The following HOPX variants were observed in gnomAD, a reference collection of about 807,000 sequenced individuals.
HOPX encodes the protein HOP homeobox.
In HOPX, 5 loss-of-function variants were observed where a neutral mutation model predicts 11.8. The ratio of observed to expected loss-of-function variants is 0.43; its 90% CI spans 0.22 to 0.89. The LOEUF is 0.89. HOPX is among the 40% of genes least tolerant of loss of function. The pLI, the probability that HOPX is intolerant of heterozygous loss-of-function variation, is 0.28. For synonymous variants in HOPX, 49 were observed against 49.7 expected, an observed-to-expected ratio of 0.99 and a Z score of 0.06; for missense variants, 119 against 120.0, an observed-to-expected ratio of 0.99 and a Z score of 0.04.
At chr4:56,662,586 T>A (rs1718209046) in intron 1 of HOPX, 1 of 152,050 alleles carries the variant, frequency 6.6e-6, no homozygotes, top group African/African-American at 2.4e-5. Flanking sequence ...TTCAAGCGAT[T>A]CTCCTACTTC....
At chr4:56,663,058 G>A (rs1217161671) in intron 1 of HOPX, 1 of 152,114 alleles carries the variant, frequency 6.6e-6, no homozygotes, top group Non-Finnish European at 1.5e-5. Flanking sequence ...AAAGATAATG[G>A]GATCTCTCCT....
chr4:56,671,960 GA>G (rs770735580), intron 1 of HOPX, among the ~76,000 whole-genome samples: 32 of 152,146 alleles, frequency 2.1e-4, no homozygotes, highest in Non-Finnish European at 3.7e-4. Context: ...AGGATTCCAT[GA>G]GATGGATTAT....
intron 1 of HOPX, among the ~76,000 whole-genome samples, chr4:56,658,319 C>G (rs1303255183): frequency 6.6e-6 from 1 of 152,166 alleles, no homozygotes; most frequent in African/African-American, 2.4e-5. Flanking sequence ...TATGAGATTT[C>G]TGTGGCTTCT....
At chr4:56,651,844 A>G (rs935442828) in intron 3 of HOPX, among the ~76,000 whole-genome samples, 57 of 143,362 alleles carry the variant, frequency 4.0e-4, no homozygotes, top group African/African-American at 1.3e-3. Flanking sequence ...ATTGAAGAGA[A>G]AGGGAGAGAG....
At chr4:56,668,569 A>G (rs1007107762) in intron 1 of HOPX, among the ~76,000 whole-genome samples, 4 of 152,014 alleles carry the variant, frequency 2.6e-5, no homozygotes, top group African/African-American at 9.7e-5. Context: ...TTTTTTAGAG[A>G]TGGGGCCTTG....
At chr4:56,668,593 G>A (rs897694893) in intron 1 of HOPX, among the ~76,000 whole-genome samples, 8 of 152,152 alleles carry the variant, frequency 5.3e-5, no homozygotes, top group African/African-American at 1.9e-4. Context: ...TGTTGCCCAG[G>A]CTGGTCTTGA....
chr4:56,656,060 C>G, intron 2 of HOPX, 48 bp from the exon 3 acceptor site: 11 of 1,446,106 alleles, frequency 7.6e-6, no homozygotes, highest in Non-Finnish European at 9.1e-6. Context: ...GTGGAGCGGG[C>G]GGGACGCAGC....
chr4:56,675,971 C>T (rs1360331176), intron 1 of HOPX, among the ~76,000 whole-genome samples: 1 of 151,748 alleles, frequency 6.6e-6, no homozygotes, highest in Non-Finnish European at 1.5e-5. Flanking sequence ...ATAGCACTGT[C>T]CACTGTCCCT....
intron 1 of HOPX, chr4:56,676,525 C>G (rs1719025053): frequency 6.6e-6 from 1 of 151,336 alleles, no homozygotes. Flanking sequence ...GCAAACTTGT[C>G]ATTTGTTTTT....
intron 1 of HOPX, among the ~76,000 whole-genome samples, chr4:56,677,759 C>A (rs12649147): frequency 0.42 from 64,082 of 151,084 alleles, 14,351 homozygotes; most frequent in Non-Finnish European, 0.46. Context: ...GAAGTCACAA[C>A]GACAAACTTC....
At chr4:56,656,166 T>A in intron 2 of HOPX, 154 bp from the exon 3 acceptor site, 1 of 1,131,008 alleles carries the variant, frequency 8.8e-7, no homozygotes, top group Non-Finnish European at 1.1e-6. Flanking sequence ...GGCTGCACGC[T>A]GAGCGGGGGC....
intron 1 of HOPX, among the ~76,000 whole-genome samples, chr4:56,677,838 A>G (rs1719094794): frequency 6.6e-6 from 1 of 151,566 alleles, no homozygotes; most frequent in African/African-American, 2.4e-5. Context: ...TGCCAGATAG[A>G]CTCATCCCAG....
At position 56,648,662 on chromosome 4, in the gene HOPX, G is replaced by A. The variant is rs543541788; in HGVS notation, c.*58C>T. ...AAAAACCACAACAGCTTGGTTAAGC[G>A]GAGGAGAGAAACAGAGATGGCCTTC... On this transcript the variant is annotated 3_prime_UTR_variant, in exon 4 of 4. Coordinates refer to ENST00000420433, the MANE Select transcript of HOPX (RefSeq NM_032495.6). The A allele has an allele frequency of 4.8e-5, 62 of 1,284,650 alleles. No individual in the cohort carries two copies. The highest frequency in any genetic ancestry group is 4.4e-4 in the African/African-American group (30 of 68,492). 79.6% of individuals were successfully genotyped at this position (1,284,650 alleles called of 1,614,324 possible).
chr4:56,666,913 G>GA (rs1443449783), intron 1 of HOPX, among the ~76,000 whole-genome samples: 1 of 152,016 alleles, frequency 6.6e-6, no homozygotes, highest in African/African-American at 2.4e-5. Context: ...ATCTGTAATG[G>GA]AAAAAAGTAT....
chr4:56,671,570 C>A (rs1017353273), intron 1 of HOPX, among the ~76,000 whole-genome samples: 8 of 152,170 alleles, frequency 5.3e-5, no homozygotes, highest in African/African-American at 1.4e-4. Flanking sequence ...CTGCTTGTTG[C>A]CATGCTACTC....
intron 1 of HOPX, among the ~76,000 whole-genome samples, chr4:56,675,936 C>A (rs1718992630): frequency 1.3e-5 from 2 of 151,784 alleles, no homozygotes; most frequent in Admixed American, 1.3e-4. Flanking sequence ...ATAGGTCATC[C>A]TTCTACCAAC....
intron 3 of HOPX, among the ~76,000 whole-genome samples, chr4:56,653,951 T>C (rs1266831070): frequency 6.6e-6 from 1 of 152,128 alleles, no homozygotes; most frequent in Non-Finnish European, 1.5e-5. Flanking sequence ...TGAGGAAAGG[T>C]TGAATATAGC....
At chr4:56,675,082 C>T (rs1409531614) in intron 1 of HOPX, among the ~76,000 whole-genome samples, 1 of 151,592 alleles carries the variant, frequency 6.6e-6, no homozygotes, top group Non-Finnish European at 1.5e-5. Flanking sequence ...GAGGCTGAAG[C>T]ACCTGACCTT....
intron 3 of HOPX, among the ~76,000 whole-genome samples, chr4:56,654,253 G>A (rs779055605): frequency 3.3e-5 from 5 of 152,194 alleles, no homozygotes; most frequent in Admixed American, 2.0e-4. Context: ...TACTTGGACA[G>A]TGCCTGGAAA....
Sources: gnomAD v4.1 joint callset for allele counts (sites outside exome capture counted in the v4.1 genomes callset) on GRCh38, gnomAD v4.1.1 for gene constraint, MANE v1.5 for transcripts, NCBI Gene and HGNC (gene_info 2026-07-23, HGNC 2026-07-21) for gene names.